Variants in EPB41L2 observed in about 807,000 individuals in gnomAD.
EPB41L2 encodes erythrocyte membrane protein band 4.1 like 2, also known as band 4.1-like protein 2.
Under a neutral mutation model 113.0 loss-of-function variants are expected in EPB41L2, and 43 were observed. The observed-to-expected ratio is 0.38, with a 90% CI of 0.30 to 0.49. The LOEUF (loss-of-function observed/expected upper bound fraction) is 0.49, where lower values mean the gene tolerates loss of function less well. Ranked by LOEUF, EPB41L2 falls within the 20% of genes least tolerant of loss-of-function variation. EPB41L2 has a pLI of 0.95. For synonymous variants in EPB41L2, 442 were observed against 436.7 expected (o/e 1.01, Z -0.15); for missense variants, 1,147 against 1,223.4 (o/e 0.94, Z 0.93).
At chr6:130,979,022 G>T (rs556330367) in intron 1 of EPB41L2, among the ~76,000 whole-genome samples, 1 of 152,292 alleles carries the variant, frequency 6.6e-6, no homozygotes, top group African/African-American at 2.4e-5. Context: ...GAACACAGGG[G>T]TGGGGAGTGG....
intron 1 of EPB41L2, among the ~76,000 whole-genome samples, chr6:131,006,843 C>A (rs1785677817): frequency 6.6e-6 from 1 of 151,996 alleles, no homozygotes; most frequent in African/African-American, 2.4e-5. Context: ...CTTTCCAGCT[C>A]AATCCCTCTT....
chr6:130,939,105 G>T (rs926476884), intron 3 of EPB41L2, among the ~76,000 whole-genome samples: 3 of 151,988 alleles, frequency 2.0e-5, no homozygotes, highest in Non-Finnish European at 4.4e-5. Context: ...CTCCAACCAG[G>T]GGCAGAGGAG....
chr6:130,888,138 T>G (rs558249258), intron 11 of EPB41L2, among the ~76,000 whole-genome samples: 4 of 152,142 alleles, frequency 2.6e-5, no homozygotes, highest in African/African-American at 9.6e-5. Flanking sequence ...CAACAAATGG[T>G]ATGTTGATAA....
intron 1 of EPB41L2, among the ~76,000 whole-genome samples, chr6:131,046,064 A>G (rs1333222879): frequency 6.8e-6 from 1 of 146,956 alleles, no homozygotes; most frequent in African/African-American, 2.5e-5. Context: ...CTCCCGCCTC[A>G]GTCTCCGAAG....
intron 18 of EPB41L2, among the ~76,000 whole-genome samples, chr6:130,858,562 C>T (rs1781001832): frequency 6.6e-6 from 1 of 152,022 alleles, no homozygotes; most frequent in African/African-American, 2.4e-5. Flanking sequence ...GCATTCTTAC[C>T]TGTAACCTGA....
intron 1 of EPB41L2, among the ~76,000 whole-genome samples, chr6:130,980,379 G>T (rs1244028268): frequency 6.6e-6 from 1 of 152,014 alleles, no homozygotes; most frequent in African/African-American, 2.4e-5. Context: ...ACACAAAGTA[G>T]AAAGAAAGGA....
intron 5 of EPB41L2, among the ~76,000 whole-genome samples, chr6:130,905,407 G>GTA (rs1434708428): frequency 1.3e-5 from 2 of 150,176 alleles, no homozygotes; most frequent in African/African-American, 2.5e-5. Flanking sequence ...ATGTGTGTGT[G>GTA]TATATATGTT....
intron 1 of EPB41L2, among the ~76,000 whole-genome samples, chr6:131,006,786 C>G (rs1785660418): frequency 6.6e-6 from 1 of 152,026 alleles, no homozygotes; most frequent in East Asian, 1.9e-4. Flanking sequence ...AGACCTATTA[C>G]TCTACAATTA....
chr6:130,958,468 CA>C (rs200548809), intron 1 of EPB41L2, among the ~76,000 whole-genome samples: 140 of 113,900 alleles, frequency 1.2e-3, no homozygotes, highest in African/African-American at 2.6e-3. Flanking sequence ...ACAACAACAA[CA>C]AAAAAAAAAA....
intron 1 of EPB41L2, among the ~76,000 whole-genome samples, chr6:131,008,857 C>A (rs981075296): frequency 1.3e-5 from 2 of 152,196 alleles, no homozygotes; most frequent in African/African-American, 4.8e-5. Context: ...GGTAAATACC[C>A]AATGCCTGTA....
chr6:131,046,201 C>T (rs946513999), intron 1 of EPB41L2, among the ~76,000 whole-genome samples: 1 of 150,964 alleles, frequency 6.6e-6, no homozygotes, highest in East Asian at 2.0e-4. Context: ...ATTACAGATA[C>T]GAGCCACTAT....
At position 130,894,461 on chromosome 6, in the gene EPB41L2, C is replaced by T; in HGVS notation, c.1390-20G>A. On this transcript the variant is annotated intron_variant, in intron 9 of 19. Coordinates refer to ENST00000337057, the MANE Select transcript of EPB41L2 (RefSeq NM_001431.4). ...TTCCAGCTGGAATAAATCCGTAAAA[C>T]AAATCAGCATATTTCCTTAAGAACT... The T allele has an allele frequency of 2.5e-6, 4 of 1,604,548 alleles. No homozygotes were observed. Among genetic ancestry groups the T allele is most frequent in the Non-Finnish European group, 2.6e-6 (3 of 1,171,378 alleles).
At chr6:130,970,686 T>C (rs1265106440) in intron 1 of EPB41L2, among the ~76,000 whole-genome samples, 1 of 152,208 alleles carries the variant, frequency 6.6e-6, no homozygotes, top group Admixed American at 6.5e-5. Flanking sequence ...ACTTTGTTTT[T>C]ATTTTTGTCA....
chr6:130,944,156 C>T (rs1233849460), intron 3 of EPB41L2, among the ~76,000 whole-genome samples: 5 of 127,592 alleles, frequency 3.9e-5, no homozygotes, highest in South Asian at 2.8e-4. Context: ...TATATATATA[C>T]GTACATACAC....
At chr6:130,849,867 A>G (rs890190839) in intron 19 of EPB41L2, among the ~76,000 whole-genome samples, 1 of 152,152 alleles carries the variant, frequency 6.6e-6, no homozygotes, top group African/African-American at 2.4e-5. Flanking sequence ...GTGGGGAAAC[A>G]TATGCTCACA....
At chr6:131,014,082 TCAGG>T (rs1258580482) in intron 1 of EPB41L2, 2 of 139,770 alleles carry the variant, frequency 1.4e-5, no homozygotes, top group South Asian at 4.7e-4. Context: ...AAAAAAAAAC[TCAGG>T]CAGCCCACTC....
intron 11 of EPB41L2, among the ~76,000 whole-genome samples, chr6:130,887,166 CTT>C (rs1370080448): frequency 6.6e-6 from 1 of 152,132 alleles, no homozygotes; most frequent in African/African-American, 2.4e-5. Flanking sequence ...AAAATGCTGA[CTT>C]TGCATACTTT....
chr6:130,889,597 T>C (rs1176148006), intron 11 of EPB41L2, among the ~76,000 whole-genome samples: 3 of 152,230 alleles, frequency 2.0e-5, no homozygotes, highest in Non-Finnish European at 4.4e-5. Flanking sequence ...TTTGGTAAGT[T>C]GTTTCACTCA....
intron 14 of EPB41L2, among the ~76,000 whole-genome samples, chr6:130,875,841 C>CA (rs1787368581): frequency 6.6e-6 from 1 of 151,748 alleles, no homozygotes; most frequent in South Asian, 2.1e-4. Flanking sequence ...ACTAAAAACA[C>CA]AAAAAAATTA....
Sources: allele counts gnomAD v4.1 joint callset (sites outside exome capture counted in the v4.1 genomes callset), GRCh38; gene constraint gnomAD v4.1.1; transcripts MANE v1.5; gene names NCBI Gene and HGNC (gene_info 2026-07-23, HGNC 2026-07-21).